Variants in CCDC85A observed in about 807,000 individuals in gnomAD.
CCDC85A encodes the protein coiled-coil domain-containing protein 85A.
A neutral mutation model predicts 50.2 loss-of-function variants in CCDC85A; 38 were observed. The ratio of observed to expected loss-of-function variants is 0.76; its 90% CI spans 0.58 to 0.99. The LOEUF is 0.99. Among genes scored for constraint, CCDC85A ranks in the 50% least tolerant of loss-of-function variants. The pLI, the probability that CCDC85A is intolerant of heterozygous loss-of-function variation, is 0.00. For synonymous variants in CCDC85A, 366 were observed against 301.4 expected, an observed-to-expected ratio of 1.21 and a Z score of -2.22; for missense variants, 820 against 742.0, an observed-to-expected ratio of 1.11 and a Z score of -1.22.
intron 2 of CCDC85A, among the ~76,000 whole-genome samples, chr2:56,304,774 C>T (rs1434192071): frequency 1.3e-5 from 2 of 151,852 alleles, no homozygotes; most frequent in African/African-American, 2.4e-5. Context: ...TAAGGCTGGG[C>T]GCAGCGGCTC....
At chr2:56,347,300 G>T (rs1462728104) in intron 3 of CCDC85A, among the ~76,000 whole-genome samples, 1 of 152,136 alleles carries the variant, frequency 6.6e-6, no homozygotes, top group African/African-American at 2.4e-5. Flanking sequence ...TTCATAAAAT[G>T]TAGGCCTATT....
chr2:56,206,985 A>C (rs1676988973), intron 2 of CCDC85A, among the ~76,000 whole-genome samples: 1 of 152,112 alleles, frequency 6.6e-6, no homozygotes, highest in Non-Finnish European at 1.5e-5. Flanking sequence ...GGAAAATAGG[A>C]CCTAGTTGCC....
At chr2:56,279,586 A>G (rs192206995) in intron 2 of CCDC85A, among the ~76,000 whole-genome samples, 20 of 152,142 alleles carry the variant, frequency 1.3e-4, no homozygotes, top group Admixed American at 1.2e-3. Context: ...TGCTCTAACC[A>G]CCCAAGCTTT....
chr2:56,354,411 A>G (rs186272064), intron 3 of CCDC85A, among the ~76,000 whole-genome samples: 22 of 152,348 alleles, frequency 1.4e-4, no homozygotes, highest in African/African-American at 4.8e-4. Flanking sequence ...TGCTTGTGAT[A>G]CACATAAAGA....
intron 2 of CCDC85A, among the ~76,000 whole-genome samples, chr2:56,276,037 AG>A (rs1240299795): frequency 2.0e-5 from 3 of 152,192 alleles, no homozygotes; most frequent in African/African-American, 7.2e-5. Flanking sequence ...TCAAGAAAGA[AG>A]GATTTCACAG....
chr2:56,377,807 G>A (rs923787305), intron 5 of CCDC85A, among the ~76,000 whole-genome samples: 3 of 151,364 alleles, frequency 2.0e-5, no homozygotes, highest in African/African-American at 7.3e-5. Flanking sequence ...AGAATTGCTT[G>A]AATCCGGGAG....
At chr2:56,332,788 A>G (rs934514287) in intron 2 of CCDC85A, among the ~76,000 whole-genome samples, 4 of 151,120 alleles carry the variant, frequency 2.6e-5, no homozygotes, top group African/African-American at 9.7e-5. Flanking sequence ...ATCTGACATC[A>G]TTTGAGAACC....
chr2:56,195,439 C>T (rs1270238683), intron 2 of CCDC85A, among the ~76,000 whole-genome samples: 1 of 152,168 alleles, frequency 6.6e-6, no homozygotes, highest in Non-Finnish European at 1.5e-5. Context: ...TTCAAGTTTT[C>T]TCATTCTTAA....
intron 2 of CCDC85A, among the ~76,000 whole-genome samples, chr2:56,240,179 T>C (rs1478197043): frequency 3.3e-5 from 5 of 152,144 alleles, no homozygotes; most frequent in Admixed American, 3.3e-4. Flanking sequence ...CGTTTCCCCT[T>C]CCTTCAGTTC....
At chr2:56,225,335 A>G (rs1573053496) in intron 2 of CCDC85A, among the ~76,000 whole-genome samples, 1 of 152,132 alleles carries the variant, frequency 6.6e-6, no homozygotes, top group African/African-American at 2.4e-5. Context: ...CTGAGGCAGG[A>G]GAATCACTTG....
intron 1 of CCDC85A, among the ~76,000 whole-genome samples, chr2:56,190,767 T>A (rs1292140958): frequency 6.6e-6 from 1 of 152,174 alleles, no homozygotes; most frequent in African/African-American, 2.4e-5. Context: ...TCCCTCTACC[T>A]GGACCAGCCC....
At chr2:56,220,462 A>G (rs535951010) in intron 2 of CCDC85A, among the ~76,000 whole-genome samples, 1 of 152,134 alleles carries the variant, frequency 6.6e-6, no homozygotes, top group South Asian at 2.1e-4. Flanking sequence ...GGTTTTGAAA[A>G]CAGTTTACCT....
At chr2:56,254,330 T>C (rs1190984982) in intron 2 of CCDC85A, among the ~76,000 whole-genome samples, 1 of 152,198 alleles carries the variant, frequency 6.6e-6, no homozygotes, top group East Asian at 1.9e-4. Context: ...GCTGTCTCTT[T>C]GTTCTTGGGG....
chr2:56,340,310 C>T (rs1674291222), intron 2 of CCDC85A, among the ~76,000 whole-genome samples: 1 of 152,134 alleles, frequency 6.6e-6, no homozygotes, highest in Non-Finnish European at 1.5e-5. Context: ...CAGATCAGGG[C>T]ATCAATATCC....
At chr2:56,260,079 G>C (rs1035422870) in intron 2 of CCDC85A, among the ~76,000 whole-genome samples, 3 of 152,184 alleles carry the variant, frequency 2.0e-5, no homozygotes, top group African/African-American at 7.2e-5. Context: ...GACAATAAAA[G>C]AGAAGTAGGA....
intron 2 of CCDC85A, among the ~76,000 whole-genome samples, chr2:56,339,840 T>C (rs1434900331): frequency 6.6e-6 from 1 of 152,094 alleles, no homozygotes; most frequent in Non-Finnish European, 1.5e-5. Flanking sequence ...ACTGAATTCA[T>C]TTGCAAGAGT....
chr2:56,345,019 A>G (rs1445757098), intron 3 of CCDC85A, among the ~76,000 whole-genome samples: 1 of 152,182 alleles, frequency 6.6e-6, no homozygotes, highest in Non-Finnish European at 1.5e-5. Context: ...GTCTTGAAGG[A>G]AAATCAGAAG....
intron 2 of CCDC85A, among the ~76,000 whole-genome samples, chr2:56,299,012 C>T (rs1195526625): frequency 1.3e-5 from 2 of 152,150 alleles, no homozygotes; most frequent in Non-Finnish European, 2.9e-5. Flanking sequence ...GGTAGCAAAT[C>T]TAGTCACCTT....
rs368480681 is a variant in CCDC85A, at chr2:56,283,669, T to A, written c.1241-59210T>A. On this transcript the variant is annotated intron_variant, in intron 2 of 5. Transcript: ENST00000407595. Reference sequence around the variant, plus strand: ...TGGTAACTTGTATTTTTCAAGGAAATCTATTTCATTTACATTAGTAAAATT... The same window carrying A: ...TGGTAACTTGTATTTTTCAAGGAAAACTATTTCATTTACATTAGTAAAATT... 3.3e-5 allele frequency among the ~76,000 whole-genome samples: 5 copies of A among 152,292 alleles called. No homozygotes were observed. The East Asian group carries it at 5.8e-4, about 18-fold the overall frequency.
Sources: gnomAD v4.1 joint callset for allele counts (sites outside exome capture counted in the v4.1 genomes callset) on GRCh38, gnomAD v4.1.1 for gene constraint, MANE v1.5 for transcripts, NCBI Gene and HGNC (gene_info 2026-07-23, HGNC 2026-07-21) for gene names.